TUSC3: variants seen among roughly 807,000 people sequenced by gnomAD.
TUSC3 encodes tumor suppressor candidate 3, also known as dolichyl-diphosphooligosaccharide--protein glycosyltransferase subunit TUSC3.
TUSC3 carries 45 observed loss-of-function variants against 44.8 expected under a neutral mutation model. That is an observed-to-expected ratio of 1.00 (90% CI 0.79 to 1.29). The LOEUF (loss-of-function observed/expected upper bound fraction) is 1.29, where lower values mean the gene tolerates loss of function less well. Ranked by LOEUF, TUSC3 falls within the 50% of genes most tolerant of loss-of-function variation. The pLI is 0.00. For synonymous variants in TUSC3, 212 were observed against 152.9 expected (o/e 1.39, Z -2.85); for missense variants, 519 against 437.9 (o/e 1.19, Z -1.65).
chr8:15,847,795 T>C, the TUSC3 span, among the ~76,000 whole-genome samples: 1 of 152,178 alleles, frequency 6.6e-6, no homozygotes, highest in Admixed American at 6.6e-5. Context: ...GCCATCTTTG[T>C]ACCCCTGTAT....
Position 15,636,540 on chromosome 8 carries a change from G to A in TUSC3, c.308+13291G>A, listed in dbSNP as rs138859341. Among the ~76,000 whole-genome samples, 481 of 152,296 alleles carry A rather than the reference G, an allele frequency of 3.2e-3. 2 individuals are homozygous for A. The highest frequency in any genetic ancestry group is 0.011 in the African/African-American group (468 of 41,564). ...GTTGCCATCCAGAAATCAAACTGGC[G>A]TTGGTACATGGAAGACAACTCATGT... On this transcript the variant is annotated intron_variant, in intron 2 of 10. Transcript: ENST00000503731.
intron 2 of TUSC3, among the ~76,000 whole-genome samples, chr8:15,491,291 A>G (rs888659837): frequency 1.3e-4 from 20 of 152,278 alleles, no homozygotes; most frequent in Non-Finnish European, 8.8e-5. Context: ...GTGTTAGGGT[A>G]AAGATCTTGG....
chr8:15,565,249 A>G (rs1480874985), intron 1 of TUSC3, among the ~76,000 whole-genome samples: 1 of 150,884 alleles, frequency 6.6e-6, no homozygotes, highest in Non-Finnish European at 1.5e-5. Flanking sequence ...CCAGTCTCTG[A>G]CTTCCATTCC....
rs117340804 is a variant in TUSC3 at position 15,675,237 on chromosome 8, C to T, written c.798+1401C>T. ...TCGCTGTCGTGTTAATGACACTTAA[C>T]GTTGTAAATTTAGGAAATCTTATAA... On this transcript the variant is annotated intron_variant, in intron 6 of 10. Transcript: ENST00000503731. Among the ~76,000 whole-genome samples the T allele has an allele frequency of 4.9e-3, 736 of 151,690 alleles. 17 individuals carry two copies. In the East Asian group the frequency reaches 0.071, roughly 15 times the overall value.
chr8:15,773,709 C>T, the TUSC3 span, among the ~76,000 whole-genome samples: 1 of 152,106 alleles, frequency 6.6e-6, no homozygotes, highest in Non-Finnish European at 1.5e-5. Context: ...ACACAACTAC[C>T]AGGTACCAAA....
At position 15,706,601 on chromosome 8, in the gene TUSC3, G is replaced by T. The variant is rs370367399; in HGVS notation, c.799-24065G>T. Among the ~76,000 whole-genome samples the T allele has an allele frequency of 2.6e-5, 4 of 152,126 alleles. No individual in the cohort carries two copies. The East Asian group carries it at 7.7e-4, about 29-fold the overall frequency. Reference sequence around the variant, plus strand: ...ATTCTATTTGCAGGAGTAGAGAAAAGATAACAGTATTATCAATTTCGTGTA... The same window carrying T: ...ATTCTATTTGCAGGAGTAGAGAAAATATAACAGTATTATCAATTTCGTGTA... On this transcript the variant is annotated intron_variant, in intron 6 of 10. Coordinates refer to ENST00000503731, the MANE Select transcript of TUSC3 (RefSeq NM_006765.4).
At chr8:15,733,268 A>G (rs1243213859) in intron 7 of TUSC3, 2 of 312,118 alleles carry the variant, frequency 6.4e-6, no homozygotes, top group Non-Finnish European at 1.2e-5. Context: ...ACATGTTAAC[A>G]TTAAAGCAAA....
chr8:15,623,090 C>G lies in TUSC3; in HGVS notation c.149C>G (p.Ala50Gly), dbSNP rs1805324437. 6.2e-7 allele frequency: 1 copy of G among 1,613,390 alleles called. No homozygotes were observed. Among genetic ancestry groups the G allele is most frequent in the East Asian group, 2.2e-5 (1 of 44,856 alleles). ...GGQKKKENLL[A>G]EKVEQLMEWS... ...TGTGTTTAATTGCAGAATCTTTTAGCTGAAAAAGTAGAGCAGCTGATGGAA... is the reference window on the plus strand; with the variant it reads ...TGTGTTTAATTGCAGAATCTTTTAGGTGAAAAAGTAGAGCAGCTGATGGAA... Residue 50 changes from alanine (A) to glycine (G), a missense_variant, in exon 2 of 11, where the codon GCT becomes GGT. Transcript: ENST00000503731.
rs354512 is a variant in TUSC3, at chr8:15,676,761, A to G, written c.798+2925A>G. Among the ~76,000 whole-genome samples, 31 of 152,338 alleles carry G rather than the reference A, an allele frequency of 2.0e-4. 1 individual carries two copies. The South Asian group carries it at 5.0e-3, about 24-fold the overall frequency. ...TTAAGAAAATCATCCAGCTCCAAAT[A>G]TCAGAGTATTGAAAGTGAGAAGCCT... On this transcript the variant is annotated intron_variant, in intron 6 of 10. Coordinates refer to ENST00000503731, the MANE Select transcript of TUSC3 (RefSeq NM_006765.4).
At chr8:15,593,065 T>G (rs1365970967) in intron 1 of TUSC3, among the ~76,000 whole-genome samples, 2 of 152,142 alleles carry the variant, frequency 1.3e-5, no homozygotes, top group African/African-American at 4.8e-5. Flanking sequence ...AAACTCTTTA[T>G]TATATATTAA....
At chr8:15,843,892 C>T in the TUSC3 span, among the ~76,000 whole-genome samples, 145 of 152,130 alleles carry the variant, frequency 9.5e-4, no homozygotes, top group African/African-American at 3.3e-3. Context: ...ATGATGAAGT[C>T]TCAGGACAAT....
chr8:15,802,385 T>C, the TUSC3 span, among the ~76,000 whole-genome samples: 2 of 152,200 alleles, frequency 1.3e-5, no homozygotes, highest in African/African-American at 2.4e-5. Flanking sequence ...AGATTAATTA[T>C]GAAAATTGTA....
intron 6 of TUSC3, among the ~76,000 whole-genome samples, chr8:15,718,795 A>ATT (rs1563188456): frequency 6.6e-6 from 1 of 152,096 alleles, no homozygotes; most frequent in Non-Finnish European, 1.5e-5. Flanking sequence ...AAATACTCAA[A>ATT]TATGTGTTTA....
At chr8:15,486,742 C>G (rs1800737498) in intron 2 of TUSC3, among the ~76,000 whole-genome samples, 1 of 152,124 alleles carries the variant, frequency 6.6e-6, no homozygotes, top group Non-Finnish European at 1.5e-5. Flanking sequence ...CGCGCCTGGC[C>G]TCCTCTCCCA....
the TUSC3 span, among the ~76,000 whole-genome samples, chr8:15,777,481 A>G: frequency 6.6e-6 from 1 of 152,220 alleles, no homozygotes; most frequent in Admixed American, 6.5e-5. Flanking sequence ...AAATACACAC[A>G]TGAACATATA....
chr8:15,456,525 T>C (rs1290247421), intron 1 of TUSC3, among the ~76,000 whole-genome samples: 2 of 152,132 alleles, frequency 1.3e-5, no homozygotes, highest in African/African-American at 4.8e-5. Flanking sequence ...GTTACGAAGT[T>C]AAACTAATTA....
At chr8:15,544,219 G>T (rs759058628) in intron 1 of TUSC3, among the ~76,000 whole-genome samples, 1 of 151,900 alleles carries the variant, frequency 6.6e-6, no homozygotes, top group Non-Finnish European at 1.5e-5. Flanking sequence ...AGTGCATCTT[G>T]TGTTTCTTTT....
chr8:15,539,240 G>T (rs186247858), upstream of TUSC3, among the ~76,000 whole-genome samples: 1 of 151,470 alleles, frequency 6.6e-6, no homozygotes, highest in Non-Finnish European at 1.5e-5. Flanking sequence ...GGTGTTCATG[G>T]CACAAGTGAA....
intron 1 of TUSC3, among the ~76,000 whole-genome samples, chr8:15,598,682 G>A (rs1322911271): frequency 6.6e-6 from 1 of 151,646 alleles, no homozygotes; most frequent in South Asian, 2.1e-4. Flanking sequence ...TCATAAAGTT[G>A]GAATCATACA....
Sources: allele counts gnomAD v4.1 joint callset (sites outside exome capture counted in the v4.1 genomes callset), GRCh38; gene constraint gnomAD v4.1.1; transcripts MANE v1.5; gene names NCBI Gene and HGNC (gene_info 2026-07-23, HGNC 2026-07-21).